Variants in CNTRL observed in about 807,000 individuals in gnomAD.
CNTRL encodes centriolin.
CNTRL carries 233 observed loss-of-function variants against 303.7 expected under a neutral mutation model. That is an observed-to-expected ratio of 0.77 (90% CI 0.69 to 0.86). The LOEUF (loss-of-function observed/expected upper bound fraction) is 0.86. CNTRL is among the 40% of genes least tolerant of loss of function. The pLI, the probability that CNTRL is intolerant of heterozygous loss-of-function variation, is 0.00. For synonymous variants in CNTRL, 900 were observed against 922.2 expected (o/e 0.98, Z 0.44); for missense variants, 2,524 against 2,650.6 (o/e 0.95, Z 1.05).
chr9:121,119,078 A>G (rs1564227779), intron 12 of CNTRL, among the ~76,000 whole-genome samples: 1 of 99,888 alleles, frequency 1.0e-5, no homozygotes, highest in East Asian at 3.0e-4. Context: ...ATACATAAAT[A>G]TATGTGTGTG....
At chr9:121,147,530 G>A (rs554095936) in intron 23 of CNTRL, among the ~76,000 whole-genome samples, 2 of 152,304 alleles carry the variant, frequency 1.3e-5, no homozygotes, top group African/African-American at 4.8e-5. Flanking sequence ...CTAGATCAGT[G>A]GAGCTGGGAA....
chr9:121,170,208 A>G (rs549629980), intron 39 of CNTRL, among the ~76,000 whole-genome samples: 10 of 152,278 alleles, frequency 6.6e-5, no homozygotes, highest in Non-Finnish European at 1.3e-4. Flanking sequence ...GAGTGGCGCA[A>G]TCTCAGCTCA....
chr9:121,104,284 C>G (rs1307552505), intron 7 of CNTRL, among the ~76,000 whole-genome samples: 1 of 152,126 alleles, frequency 6.6e-6, no homozygotes, highest in Non-Finnish European at 1.5e-5. Flanking sequence ...GACAGAAAAC[C>G]AAACACCGCA....
chr9:121,138,802 G>A lies in CNTRL; in HGVS notation c.2337+123G>A. On this transcript the variant is annotated intron_variant, in intron 16 of 43. Transcript: ENST00000373855. ...AAGCAATTTGAATTACTAGAAAAAA[G>A]GGAATTCTGGGTGGAGCAGCACCAT... 7.7e-6 allele frequency: 7 copies of A among 905,670 alleles called. No homozygotes were observed. The South Asian group carries it at 1.3e-4, about 16-fold the overall frequency. The allele number at this position is 905,670 out of a possible 1,614,324, so 56.1% of individuals were successfully genotyped here. A position where few individuals can be genotyped will look rare whatever the true frequency, so the allele number is the denominator to read the frequency against.
chr9:121,104,571 AAAAG>A (rs971256323), intron 7 of CNTRL, among the ~76,000 whole-genome samples: 4 of 152,172 alleles, frequency 2.6e-5, no homozygotes, highest in Admixed American at 6.5e-5. Flanking sequence ...AGAAAAGAAA[AAAAG>A]AAAATCAGAT....
chr9:121,145,993 AAGTC>A (rs2051829183), intron 22 of CNTRL, 111 bp from the exon 23 acceptor site: 5 of 907,868 alleles, frequency 5.5e-6, no homozygotes, highest in East Asian at 2.7e-5. Flanking sequence ...GGCAGACTGA[AAGTC>A]AGCTTTGAGG....
At chr9:121,125,034 G>A (rs2050436749) in intron 13 of CNTRL, among the ~76,000 whole-genome samples, 1 of 151,870 alleles carries the variant, frequency 6.6e-6, no homozygotes, top group African/African-American at 2.4e-5. Context: ...GTGTGTTTGT[G>A]TTCTAAGTGT....
intron 42 of CNTRL, among the ~76,000 whole-genome samples, chr9:121,174,757 G>T (rs1254576961): frequency 6.6e-6 from 1 of 152,136 alleles, no homozygotes; most frequent in Non-Finnish European, 1.5e-5. Context: ...AGAAGCAAGG[G>T]ATACAGAAAT....
chr9:121,175,679 A>G (rs1038450723), intron 43 of CNTRL, among the ~76,000 whole-genome samples: 2 of 152,172 alleles, frequency 1.3e-5, no homozygotes, highest in Non-Finnish European at 2.9e-5. Flanking sequence ...GCCGCCTTCA[A>G]CTCTCTGAAA....
At chr9:121,166,297 C>T (rs1026813421) in intron 36 of CNTRL, 117 bp downstream of exon 36, 2 of 617,988 alleles carry the variant, frequency 3.2e-6, no homozygotes, top group Non-Finnish European at 5.6e-6. Flanking sequence ...TACCGTAGGG[C>T]CATTTATGTA....
chr9:121,109,604 C>A (rs2049654348), intron 8 of CNTRL, among the ~76,000 whole-genome samples: 1 of 151,662 alleles, frequency 6.6e-6, no homozygotes, highest in Admixed American at 6.6e-5. Context: ...TCTATATATA[C>A]CTTATGCATT....
chr9:121,103,401 AGATG>A (rs2049284173), intron 7 of CNTRL, among the ~76,000 whole-genome samples: 1 of 152,246 alleles, frequency 6.6e-6, no homozygotes, highest in South Asian at 2.1e-4. Context: ...AATTAATTCA[AGATG>A]GATTAAAGAC....
chr9:121,142,318 T>G, intron 19 of CNTRL, 48 bp downstream of exon 19: 1 of 1,499,582 alleles, frequency 6.7e-7, no homozygotes, highest in Non-Finnish European at 9.0e-7. Context: ...GCTGCCAGTG[T>G]CCTGCCCACT....
At chr9:121,086,839 G>A (rs937563050) in intron 2 of CNTRL, among the ~76,000 whole-genome samples, 2 of 152,026 alleles carry the variant, frequency 1.3e-5, no homozygotes, top group Non-Finnish European at 2.9e-5. Context: ...TTCTAGTAGA[G>A]ACGGGGTTTT....
At chr9:121,160,363 C>T in intron 32 of CNTRL, 61 bp downstream of exon 32, 1 of 1,231,446 alleles carries the variant, frequency 8.1e-7, no homozygotes, top group African/African-American at 1.6e-5. Flanking sequence ...TATTACAAGT[C>T]ACAGAAAAAA....
intron 7 of CNTRL, among the ~76,000 whole-genome samples, chr9:121,106,240 G>A (rs1333295772): frequency 6.6e-6 from 1 of 151,082 alleles, no homozygotes; most frequent in Non-Finnish European, 1.5e-5. Context: ...TTGGGAAGCT[G>A]AGAGAAGAGA....
rs185088038 is a variant in CNTRL at position 121,177,272 on chromosome 9, T to A, written c.*86T>A. 4.3e-5 allele frequency: 49 copies of A among 1,147,058 alleles called. No homozygotes were observed. The highest frequency in any genetic ancestry group is 6.5e-5 in the South Asian group (5 of 77,068). The allele number at this position is 1,147,058 out of a possible 1,614,324, so 71.1% of individuals were successfully genotyped here. The stretch of plus-strand genomic sequence containing the variant: ...TAATTGGAATGTCACATGGTTTTTT[T>A]AATCAAGATGCAGTGAACTGAGATT... On this transcript the variant is annotated 3_prime_UTR_variant, in exon 44 of 44. Coordinates refer to ENST00000373855, the MANE Select transcript of CNTRL (RefSeq NM_007018.6).
chr9:121,124,735 C>T lies in CNTRL; in HGVS notation c.1804+651C>T, dbSNP rs551451943. Among the ~76,000 whole-genome samples the T allele has an allele frequency of 5.6e-5, 8 of 143,302 alleles. No homozygotes were observed. The Middle Eastern group carries it at 0.011, about 205-fold the overall frequency. 94.0% of individuals were successfully genotyped at this position (143,302 alleles called of 152,430 possible). ...GGCATATCATTTGAGCCCAGGAGTT[C>T]GAGATCAGCATGGGCAACATGGCGA... On this transcript the variant is annotated intron_variant, in intron 13 of 43. Coordinates refer to ENST00000373855, the MANE Select transcript of CNTRL (RefSeq NM_007018.6).
intron 2 of CNTRL, among the ~76,000 whole-genome samples, chr9:121,084,378 A>C (rs544486985): frequency 2.6e-5 from 4 of 152,270 alleles, no homozygotes; most frequent in African/African-American, 9.6e-5. Context: ...TTTTTTGTTG[A>C]GATACTAACT....
Sources: allele counts gnomAD v4.1 joint callset (sites outside exome capture counted in the v4.1 genomes callset), GRCh38; gene constraint gnomAD v4.1.1; transcripts MANE v1.5; gene names NCBI Gene and HGNC (gene_info 2026-07-23, HGNC 2026-07-21).